Variants in PCDH15 observed in about 807,000 individuals in gnomAD.
PCDH15 encodes the protein protocadherin related 15.
Under a neutral mutation model 178.5 loss-of-function variants are expected in PCDH15, and 129 were observed. The observed-to-expected ratio is 0.72, with a 90% CI of 0.63 to 0.84. The LOEUF (loss-of-function observed/expected upper bound fraction) is 0.84. Among genes scored for constraint, PCDH15 ranks in the 40% least tolerant of loss-of-function variants. The pLI, the probability that PCDH15 is intolerant of heterozygous loss-of-function variation, is 0.00. For synonymous variants in PCDH15, 800 were observed against 732.0 expected (o/e 1.09, Z -1.50); for missense variants, 2,230 against 2,099.9 (o/e 1.06, Z -1.21).
intron 2 of PCDH15, among the ~76,000 whole-genome samples, chr10:55,543,916 A>G (rs1841818875): frequency 6.6e-6 from 1 of 151,060 alleles, no homozygotes; most frequent in African/African-American, 2.4e-5. Context: ...AATATGAACT[A>G]TTTGCATGTA....
At chr10:54,348,405 C>T (rs887975696) in intron 5 of PCDH15, among the ~76,000 whole-genome samples, 2 of 152,100 alleles carry the variant, frequency 1.3e-5, no homozygotes, top group Non-Finnish European at 2.9e-5. Context: ...ATCGAGGGAC[C>T]ACTGGGGATA....
intron 2 of PCDH15, among the ~76,000 whole-genome samples, chr10:55,109,015 T>C (rs2132053973): frequency 6.6e-6 from 1 of 152,294 alleles, no homozygotes; most frequent in Non-Finnish European, 1.5e-5. Context: ...GGCAACAGTG[T>C]ATACTTATCA....
Position 55,163,540 on chromosome 10 carries a change from C to T in PCDH15, c.-80+3036G>A, listed in dbSNP as rs1332543930. On this transcript the variant is annotated intron_variant, in intron 2 of 5. Transcript: ENST00000458638. ...CTGCATACCCAGGAGATTAGACCTT[C>T]TCAGTCACAGGATGAGAAAGGATGT... is the stretch of plus-strand genomic sequence containing the variant. 1.3e-5 allele frequency among the ~76,000 whole-genome samples: 2 copies of T among 152,098 alleles called. 1 individual carries two copies. The highest frequency in any genetic ancestry group is 4.8e-5 in the African/African-American group (2 of 41,418).
At chr10:54,379,071 G>T in intron 3 of PCDH15, 129 bp from the exon 4 acceptor site, 1 of 928,248 alleles carries the variant, frequency 1.1e-6, no homozygotes, top group Non-Finnish European at 1.7e-6. Flanking sequence ...TGTATATCTA[G>T]CATAAGACAG....
intron 3 of PCDH15, among the ~76,000 whole-genome samples, chr10:54,433,943 G>T (rs903563993): frequency 6.6e-6 from 1 of 152,190 alleles, no homozygotes; most frequent in African/African-American, 2.4e-5. Context: ...GGAGACAACA[G>T]CTCCATGTGT....
intron 3 of PCDH15, among the ~76,000 whole-genome samples, chr10:54,885,708 T>C (rs1292646072): frequency 2.0e-5 from 3 of 152,038 alleles, no homozygotes; most frequent in African/African-American, 4.8e-5. Flanking sequence ...GAGTTATTTC[T>C]GGAAATTGAT....
intron 9 of PCDH15, among the ~76,000 whole-genome samples, chr10:54,233,212 G>A (rs2054264234): frequency 6.6e-6 from 1 of 151,872 alleles, no homozygotes; most frequent in Non-Finnish European, 1.5e-5. Flanking sequence ...CCAAAATGTT[G>A]GAATTACATG....
chr10:54,494,564 G>T (rs976734577), intron 3 of PCDH15, among the ~76,000 whole-genome samples: 1 of 152,120 alleles, frequency 6.6e-6, no homozygotes, highest in Non-Finnish European at 1.5e-5. Flanking sequence ...GTAGGCCGCA[G>T]AGTAAAACTT....
At chr10:54,032,772 CAGAAA>C (rs2093328511) in intron 18 of PCDH15, among the ~76,000 whole-genome samples, 3 of 151,958 alleles carry the variant, frequency 2.0e-5, no homozygotes, top group African/African-American at 7.2e-5. Flanking sequence ...AATAACTTCC[CAGAAA>C]CTGGGGGATT....
At chr10:54,002,902 C>T (rs572984731) in intron 20 of PCDH15, among the ~76,000 whole-genome samples, 45 of 152,272 alleles carry the variant, frequency 3.0e-4, no homozygotes, top group African/African-American at 1.0e-3. Context: ...AGTGGCAACC[C>T]TTCCAGGTCC....
intron 15 of PCDH15, among the ~76,000 whole-genome samples, chr10:54,115,456 T>TG (rs1393588994): frequency 6.6e-6 from 1 of 152,244 alleles, no homozygotes; most frequent in East Asian, 1.9e-4. Context: ...TTAGAAATGT[T>TG]GCACACTGAA....
At chr10:54,548,736 C>A (rs1367058072) in intron 2 of PCDH15, among the ~76,000 whole-genome samples, 1 of 150,058 alleles carries the variant, frequency 6.7e-6, no homozygotes, top group Non-Finnish European at 1.5e-5. Context: ...AAATTTTTAT[C>A]CCTCCTGACT....
intron 2 of PCDH15, among the ~76,000 whole-genome samples, chr10:55,416,180 TA>T (rs1365383679): frequency 6.6e-6 from 1 of 151,692 alleles, no homozygotes. Flanking sequence ...ATACTAAAAT[TA>T]ATAGGTTTTA....
At chr10:54,048,323 G>C (rs1052740901) in intron 18 of PCDH15, among the ~76,000 whole-genome samples, 17 of 152,200 alleles carry the variant, frequency 1.1e-4, no homozygotes, top group African/African-American at 3.9e-4. Flanking sequence ...AAGCTGCATA[G>C]TTAGCAAATA....
intron 8 of PCDH15, among the ~76,000 whole-genome samples, chr10:54,293,256 C>T (rs1326208078): frequency 6.6e-6 from 1 of 152,182 alleles, no homozygotes; most frequent in Non-Finnish European, 1.5e-5. Flanking sequence ...GGAAAACTGG[C>T]TAGCCACATG....
At chr10:55,400,190 G>C (rs1033632376) in intron 2 of PCDH15, among the ~76,000 whole-genome samples, 5 of 151,970 alleles carry the variant, frequency 3.3e-5, no homozygotes, top group South Asian at 2.1e-4. Context: ...ATTAATTCTG[G>C]CCACTTGCAG....
At chr10:54,677,267 A>C (rs2094806636) in intron 1 of PCDH15, among the ~76,000 whole-genome samples, 1 of 151,998 alleles carries the variant, frequency 6.6e-6, no homozygotes, top group African/African-American at 2.4e-5. Context: ...AAGTCCTACC[A>C]CTCTCCAGAG....
chr10:53,836,480 G>C (rs1320533030), intron 29 of PCDH15, among the ~76,000 whole-genome samples: 1 of 149,962 alleles, frequency 6.7e-6, no homozygotes, highest in African/African-American at 2.4e-5. Context: ...GAGAGCTGAG[G>C]ACTGAGTAAG....
chr10:53,879,612 A>C (rs1477780523), intron 26 of PCDH15, among the ~76,000 whole-genome samples: 1 of 152,226 alleles, frequency 6.6e-6, no homozygotes, highest in African/African-American at 2.4e-5. Context: ...TTTGGTAAAA[A>C]TTAATAGCAT....
Sources: gnomAD v4.1 joint callset for allele counts (sites outside exome capture counted in the v4.1 genomes callset) on GRCh38, gnomAD v4.1.1 for gene constraint, MANE v1.5 for transcripts, NCBI Gene and HGNC (gene_info 2026-07-23, HGNC 2026-07-21) for gene names.